Variants in SH3GL3 observed in about 807,000 individuals in gnomAD.
SH3GL3 encodes endophilin-A3.
A neutral mutation model predicts 47.7 loss-of-function variants in SH3GL3; 33 were observed. The ratio of observed to expected loss-of-function variants is 0.69; its 90% CI spans 0.52 to 0.92. SH3GL3 has a LOEUF of 0.92. Ranked by LOEUF, SH3GL3 falls within the 40% of genes least tolerant of loss-of-function variation. The probability of loss-of-function intolerance (pLI) is 0.00; values close to 1 mark genes in which losing one functional copy is unlikely to be tolerated. For synonymous variants in SH3GL3, 155 were observed against 148.8 expected (o/e 1.04, Z -0.30); for missense variants, 363 against 417.8 (o/e 0.87, Z 1.14).
chr15:83,490,051 C>T (rs1231486365), intron 1 of SH3GL3, among the ~76,000 whole-genome samples: 1 of 152,136 alleles, frequency 6.6e-6, no homozygotes, highest in African/African-American at 2.4e-5. Context: ...GGAATCACAT[C>T]GTTGGTGACA....
chr15:83,491,329 C>T (rs1223271102), intron 1 of SH3GL3, among the ~76,000 whole-genome samples: 1 of 152,212 alleles, frequency 6.6e-6, no homozygotes, highest in Non-Finnish European at 1.5e-5. Flanking sequence ...AGAACTTCAA[C>T]ATGTCAGTGT....
chr15:83,507,693 G>A (rs906900171), intron 1 of SH3GL3, among the ~76,000 whole-genome samples: 7 of 152,024 alleles, frequency 4.6e-5, no homozygotes, highest in Non-Finnish European at 1.0e-4. Context: ...GGGATTACAG[G>A]AGTGAGCCAC....
intron 1 of SH3GL3, among the ~76,000 whole-genome samples, chr15:83,540,172 C>G (rs2044091339): frequency 6.6e-6 from 1 of 152,160 alleles, no homozygotes; most frequent in Admixed American, 6.5e-5. Context: ...AGAACCTACT[C>G]TGCATGATTT....
chr15:83,587,100 C>A lies in SH3GL3; in HGVS notation c.728+14C>A. ...GCTACAGATGCGGTAAGCACCTCCA[C>A]GTTTCTTACAAGCCAAGGGCTGCGG... On this transcript the variant is annotated intron_variant, in intron 7 of 8. Transcript: ENST00000427482. 1 of 1,471,826 alleles carries A rather than the reference C, an allele frequency of 6.8e-7. No homozygotes were observed. The highest frequency in any genetic ancestry group is 1.4e-5 in the African/African-American group (1 of 71,704). 91.2% of individuals were successfully genotyped at this position (1,471,826 alleles called of 1,614,324 possible). A position where few individuals can be genotyped will look rare whatever the true frequency, so the allele number is the denominator to read the frequency against.
intron 1 of SH3GL3, among the ~76,000 whole-genome samples, chr15:83,532,014 G>A (rs937997635): frequency 6.6e-6 from 1 of 152,082 alleles, no homozygotes; most frequent in Non-Finnish European, 1.5e-5. Flanking sequence ...TGACTTATTG[G>A]CTGTTTTTAA....
chr15:83,595,507 TAA>T (rs71156088), intron 8 of SH3GL3, among the ~76,000 whole-genome samples: 1,718 of 135,148 alleles, frequency 0.013, 29 homozygotes, highest in African/African-American at 0.04. Context: ...ACCTAAAAGT[TAA>T]AAAAAAAAAA....
intron 4 of SH3GL3, 67 bp from the exon 5 acceptor site, chr15:83,572,498 T>G: frequency 1.5e-6 from 2 of 1,354,112 alleles, no homozygotes; most frequent in Non-Finnish European, 2.1e-6. Flanking sequence ...AAGAATGAAA[T>G]AAATAGCACT....
intron 1 of SH3GL3, among the ~76,000 whole-genome samples, chr15:83,519,447 C>G (rs911952195): frequency 3.9e-5 from 6 of 152,092 alleles, no homozygotes; most frequent in Non-Finnish European, 8.8e-5. Context: ...GGATTGCATT[C>G]TTGATTTGGC....
intron 6 of SH3GL3, among the ~76,000 whole-genome samples, chr15:83,580,867 C>G (rs572538869): frequency 6.6e-6 from 1 of 152,186 alleles, no homozygotes; most frequent in South Asian, 2.1e-4. Context: ...GGGAGCACCC[C>G]CAACCTCATC....
At chr15:83,625,719 C>T in the SH3GL3 span, among the ~76,000 whole-genome samples, 1 of 151,982 alleles carries the variant, frequency 6.6e-6, no homozygotes, top group Non-Finnish European at 1.5e-5. Flanking sequence ...TTTTTCTCCT[C>T]TTTAGGTATA....
chr15:83,500,519 T>A (rs2042249839), intron 1 of SH3GL3, among the ~76,000 whole-genome samples: 1 of 152,190 alleles, frequency 6.6e-6, no homozygotes, highest in South Asian at 2.1e-4. Context: ...TCTCCACTAT[T>A]GGTCTTGGGT....
chr15:83,478,612 A>C (rs911198671), intron 1 of SH3GL3, among the ~76,000 whole-genome samples: 2 of 152,230 alleles, frequency 1.3e-5, no homozygotes, highest in Non-Finnish European at 2.9e-5. Flanking sequence ...TTAGTATAGT[A>C]ATCATTTAGT....
At chr15:83,560,080 T>C (rs1205897824) in intron 2 of SH3GL3, among the ~76,000 whole-genome samples, 2 of 152,206 alleles carry the variant, frequency 1.3e-5, no homozygotes, top group African/African-American at 4.8e-5. Context: ...GCTCATTGTC[T>C]GGGCCCTTTA....
chr15:83,489,286 A>C (rs2041758167), intron 1 of SH3GL3: 2 of 152,194 alleles, frequency 1.3e-5, no homozygotes, highest in Admixed American at 1.3e-4. Flanking sequence ...AAGAAAACTC[A>C]AGCTGCACCA....
At chr15:83,467,978 C>T (rs1175744850) in intron 1 of SH3GL3, among the ~76,000 whole-genome samples, 10 of 152,116 alleles carry the variant, frequency 6.6e-5, no homozygotes, top group African/African-American at 2.4e-4. Flanking sequence ...CAGGTGCCCG[C>T]CACCACGCCC....
At chr15:83,578,977 C>T (rs985958528) in intron 6 of SH3GL3, among the ~76,000 whole-genome samples, 3 of 152,074 alleles carry the variant, frequency 2.0e-5, no homozygotes, top group Admixed American at 6.5e-5. Context: ...TGCCTTCATG[C>T]GGGAACCACA....
chr15:83,630,012 G>T, the SH3GL3 span, among the ~76,000 whole-genome samples: 1 of 152,162 alleles, frequency 6.6e-6, no homozygotes, highest in African/African-American at 2.4e-5. Flanking sequence ...GTAGGGGTGG[G>T]TCTTTCCCAT....
chr15:83,499,063 T>C (rs1275465160), intron 1 of SH3GL3, among the ~76,000 whole-genome samples: 1 of 152,190 alleles, frequency 6.6e-6, no homozygotes, highest in Non-Finnish European at 1.5e-5. Context: ...TAGGAATTTT[T>C]ACCCGTTTCC....
At chr15:83,470,528 GAA>G (rs2040783377) in intron 1 of SH3GL3, among the ~76,000 whole-genome samples, 1 of 152,150 alleles carries the variant, frequency 6.6e-6, no homozygotes, top group Non-Finnish European at 1.5e-5. Flanking sequence ...AGCCTGGCCT[GAA>G]GTTTGTTTTT....
Sources: allele counts gnomAD v4.1 joint callset (sites outside exome capture counted in the v4.1 genomes callset), GRCh38; gene constraint gnomAD v4.1.1; transcripts MANE v1.5; gene names NCBI Gene and HGNC (gene_info 2026-07-23, HGNC 2026-07-21).